ZNF532: variants seen among roughly 807,000 people sequenced by gnomAD.
The protein encoded by ZNF532 is zinc finger protein 532.
A neutral mutation model predicts 89.3 loss-of-function variants in ZNF532; 22 were observed. The observed-to-expected ratio is 0.25, with a 90% CI of 0.18 to 0.35. ZNF532 has a LOEUF of 0.35. Among genes scored for constraint, ZNF532 ranks in the 10% least tolerant of loss-of-function variants. ZNF532 has a pLI of 1.00. For synonymous variants in ZNF532, 606 were observed against 649.6 expected, an observed-to-expected ratio of 0.93 and a Z score of 1.02; for missense variants, 1,132 against 1,643.4, an observed-to-expected ratio of 0.69 and a Z score of 5.38.
chr18:58,902,807 A>G (rs117893932), intron 2 of ZNF532, among the ~76,000 whole-genome samples: 2,097 of 152,122 alleles, frequency 0.014, 29 homozygotes, highest in Middle Eastern at 0.024. Context: ...TGATCCTTCT[A>G]GTGGCCGATA....
In ZNF532 at chr18:58,919,012, GGAA is replaced by G. The variant is rs1183542333; in HGVS notation, c.727_729del (p.Lys243del). 1 of 1,613,426 alleles carries G rather than the reference GGAA, an allele frequency of 6.2e-7. No homozygotes were observed. Among genetic ancestry groups the G allele is most frequent in the African/African-American group, 1.3e-5 (1 of 74,916 alleles). On this transcript the variant is annotated inframe_deletion, in exon 3 of 10. Coordinates refer to ENST00000591808, the MANE Select transcript of ZNF532 (RefSeq NM_001375912.1). This position sits in a 1 kb window ranked among gnomAD's most constrained non-coding sequence, Gnocchi z 6.1. ...GTGCTGGAAAACAGAGTCCTAGATG[GGAA>G]GCTGAGCTCCGAGAAGAATGACACC...
Position 58,948,127 on chromosome 18 carries a change from C to T in ZNF532, c.2766C>T (p.Arg922=), listed in dbSNP as rs1479430354. 1.9e-6 allele frequency: 3 copies of T among 1,613,762 alleles called. No homozygotes were observed. Among genetic ancestry groups the T allele is most frequent in the Admixed American group, 3.3e-5 (2 of 59,984 alleles). The change falls in exon 6 of 10, where the codon CGC becomes CGT. Residue 922 remains arginine, a synonymous_variant. Transcript: ENST00000591808. ...TCACCCTGCAAACCTTGCTGTATCG[C>T]CACTTTGACCAACACATTGAAAACC... ...TVFTLQTLLY[R]HFDQHIENQK... is the part of the protein sequence containing the mutation.
At chr18:58,875,326 T>G (rs913889917) in intron 2 of ZNF532, among the ~76,000 whole-genome samples, 2 of 152,180 alleles carry the variant, frequency 1.3e-5, no homozygotes, top group Admixed American at 1.3e-4. Context: ...TTTCCTATTT[T>G]TAAAATATGA....
chr18:58,906,428 G>GT lies in ZNF532; in HGVS notation c.-17-11835dup, dbSNP rs997280108. Among the ~76,000 whole-genome samples, 58 of 151,638 alleles carry GT rather than the reference G, an allele frequency of 3.8e-4. No homozygotes were observed. In the South Asian group the frequency reaches 4.2e-3, roughly 11 times the overall value. On this transcript the variant is annotated intron_variant, in intron 2 of 9. Coordinates refer to ENST00000591808, the MANE Select transcript of ZNF532 (RefSeq NM_001375912.1). ...CACGCCCCATCAGTGTAGTTTTTTT[G>GT]TTTTTTTTGGAGGCAGGGGGACATT...
intron 7 of ZNF532, among the ~76,000 whole-genome samples, chr18:58,961,575 G>A (rs1414543612): frequency 6.6e-6 from 1 of 152,134 alleles, no homozygotes; most frequent in South Asian, 2.1e-4. Flanking sequence ...GTATATTCCC[G>A]CGTGTACCGC....
At position 58,918,350 on chromosome 18, in the gene ZNF532, A is replaced by G. The variant is rs777488283; in HGVS notation, c.63A>G (p.Pro21=). The part of the protein sequence containing the change: ...FDDLLAAFDI[P]DMVDPKAAIE... ...ACCTCCTGGCAGCATTTGACATCCC[A>G]GATATGGTCGATCCTAAAGCAGCTA... The change falls in exon 3 of 10, where the codon CCA becomes CCG. Residue 21 remains proline, a synonymous_variant. Coordinates refer to ENST00000591808, the MANE Select transcript of ZNF532 (RefSeq NM_001375912.1). 2.5e-6 allele frequency: 4 copies of G among 1,614,202 alleles called. No homozygotes were observed. Among genetic ancestry groups the G allele is most frequent in the Non-Finnish European group, 3.4e-6 (4 of 1,180,038 alleles).
chr18:58,949,713 G>A (rs1285728891), intron 6 of ZNF532, among the ~76,000 whole-genome samples: 5 of 152,302 alleles, frequency 3.3e-5, no homozygotes, highest in East Asian at 3.9e-4. Context: ...AAAAAGGTCA[G>A]TTTAAAGCGC....
At chr18:58,904,343 C>A (rs2059787996) in intron 2 of ZNF532, among the ~76,000 whole-genome samples, 1 of 148,754 alleles carries the variant, frequency 6.7e-6, no homozygotes, top group Admixed American at 6.8e-5. Context: ...CCTAGTGAGA[C>A]CTTGTCTCAA....
chr18:58,898,545 A>G (rs1225497951), intron 2 of ZNF532, among the ~76,000 whole-genome samples: 14 of 152,222 alleles, frequency 9.2e-5, no homozygotes, highest in Admixed American at 9.2e-4. Context: ...AGTCTAACAG[A>G]CAGCCTCACA....
chr18:58,953,266 T>C (rs2064401765), intron 6 of ZNF532: 1 of 335,956 alleles, frequency 3.0e-6, no homozygotes, highest in East Asian at 5.4e-5. Flanking sequence ...GGTCTTTCTT[T>C]AAAGAATTTT....
At chr18:58,874,825 C>T (rs897581582) in intron 2 of ZNF532, among the ~76,000 whole-genome samples, 31 of 152,140 alleles carry the variant, frequency 2.0e-4, no homozygotes, top group Non-Finnish European at 3.8e-4. Context: ...CCCTTTCCCC[C>T]GGCACTTCGC....
chr18:58,969,442 G>T (rs2066244869), intron 7 of ZNF532, among the ~76,000 whole-genome samples: 1 of 152,182 alleles, frequency 6.6e-6, no homozygotes, highest in Non-Finnish European at 1.5e-5. Flanking sequence ...GAGCACAGAG[G>T]GGCGTCTTCA....
intron 7 of ZNF532, among the ~76,000 whole-genome samples, chr18:58,966,678 A>G (rs965050930): frequency 2.0e-5 from 3 of 152,122 alleles, no homozygotes; most frequent in African/African-American, 7.2e-5. Context: ...ATGTGACACA[A>G]ATAAGACTGT....
At chr18:58,946,618 G>A (rs574653634) in intron 5 of ZNF532, among the ~76,000 whole-genome samples, 2 of 152,158 alleles carry the variant, frequency 1.3e-5, no homozygotes, top group East Asian at 3.9e-4. Context: ...CATTTGGGCC[G>A]TTCACAACAC....
intron 2 of ZNF532, among the ~76,000 whole-genome samples, chr18:58,888,741 T>TATAAAATATATATATAA (rs1226823500): frequency 3.3e-5 from 1 of 30,442 alleles, no homozygotes; most frequent in Non-Finnish European, 5.0e-5. Context: ...TATATATATA[T>TATAAAATATATATATAA]TTTATATATA....
In ZNF532 at chr18:58,893,992, TC is replaced by T. The variant is rs1197714439; in HGVS notation, c.-17-24278del. Reference sequence around the variant, plus strand: ...TGAGATAGAAGAACCACCATGTTCTTCTGGTTCTAGACTCAAACTACAGGGA... The same window carrying T: ...TGAGATAGAAGAACCACCATGTTCTTTGGTTCTAGACTCAAACTACAGGGA... On this transcript the variant is annotated intron_variant, in intron 2 of 9. Coordinates refer to ENST00000591808, the MANE Select transcript of ZNF532 (RefSeq NM_001375912.1). Among the ~76,000 whole-genome samples, 6 of 152,168 alleles carry T rather than the reference TC, an allele frequency of 3.9e-5. No individual in the cohort carries two copies. In the East Asian group the frequency reaches 1.2e-3, roughly 29 times the overall value.
intron 2 of ZNF532, among the ~76,000 whole-genome samples, chr18:58,869,509 AAAC>A (rs1458089643): frequency 2.6e-5 from 4 of 152,254 alleles, no homozygotes; most frequent in Non-Finnish European, 4.4e-5. Context: ...ATAAAACACA[AAAC>A]AACAATAGAA....
chr18:58,943,244 C>T lies in ZNF532; in HGVS notation c.2705+3623C>T, dbSNP rs1428194056. On this transcript the variant is annotated intron_variant, in intron 5 of 9. Transcript: ENST00000591808. ...GCGCGATCTCTGCTCACTGCAACCT[C>T]CGCCTCCCGGGTTCTCGCCATTCTT... Among the ~76,000 whole-genome samples, 4 of 150,826 alleles carry T rather than the reference C, an allele frequency of 2.7e-5. No individual in the cohort carries two copies. In the South Asian group the frequency reaches 6.3e-4, roughly 24 times the overall value.
chr18:58,979,566 T>TTA (rs2067474091), intron 8 of ZNF532: 1 of 154,804 alleles, frequency 6.5e-6, no homozygotes, highest in African/African-American at 2.4e-5. Context: ...TTTTGTATTT[T>TTA]TAGTAGAGAC....
Sources: gnomAD v4.1 joint callset for allele counts (sites outside exome capture counted in the v4.1 genomes callset) on GRCh38, gnomAD v4.1.1 for gene constraint, Gnocchi (gnomAD v3.1) non-coding constraint, MANE v1.5 for transcripts, NCBI Gene and HGNC (gene_info 2026-07-23, HGNC 2026-07-21) for gene names.